The following CTNNA3 variants were observed in gnomAD, a reference collection of about 807,000 sequenced individuals.
The protein encoded by CTNNA3 is catenin alpha-3.
A neutral mutation model predicts 95.7 loss-of-function variants in CTNNA3; 76 were observed. The ratio of observed to expected loss-of-function variants is 0.79; its 90% confidence interval spans 0.66 to 0.96. CTNNA3 has a LOEUF of 0.96. Among genes scored for constraint, CTNNA3 ranks in the 40% least tolerant of loss-of-function variants. The pLI, the probability that CTNNA3 is intolerant of heterozygous loss-of-function variation, is 0.00. For synonymous variants in CTNNA3, 431 were observed against 374.4 expected, an observed-to-expected ratio of 1.15 and a Z score of -1.74; for missense variants, 1,191 against 1,089.8, an observed-to-expected ratio of 1.09 and a Z score of -1.31.
intron 12 of CTNNA3, among the ~76,000 whole-genome samples, chr10:66,348,386 T>C (rs2092541145): frequency 6.6e-6 from 1 of 152,100 alleles, no homozygotes; most frequent in Non-Finnish European, 1.5e-5. Flanking sequence ...TGAGACTCCA[T>C]TTCCTCATCT....
intron 7 of CTNNA3, among the ~76,000 whole-genome samples, chr10:67,156,672 C>T (rs1048844695): frequency 4.0e-5 from 6 of 151,752 alleles, no homozygotes; most frequent in Admixed American, 1.3e-4. Context: ...TTTCAATCTC[C>T]GTAAATTTGT....
At chr10:67,600,496 C>T (rs1222415406) in intron 3 of CTNNA3, among the ~76,000 whole-genome samples, 2 of 151,982 alleles carry the variant, frequency 1.3e-5, no homozygotes, top group Non-Finnish European at 2.9e-5. Flanking sequence ...AAAAAGTTAT[C>T]ACAGAAATAC....
chr10:66,450,484 CA>C (rs1022744450), intron 11 of CTNNA3, among the ~76,000 whole-genome samples: 1 of 152,078 alleles, frequency 6.6e-6, no homozygotes, highest in African/African-American at 2.4e-5. Flanking sequence ...AAGCATTTTA[CA>C]TTTCAGCTTT....
At chr10:67,126,752 G>A (rs1324039164) in intron 7 of CTNNA3, among the ~76,000 whole-genome samples, 1 of 152,144 alleles carries the variant, frequency 6.6e-6, no homozygotes, top group Admixed American at 6.5e-5. Flanking sequence ...ATACATTGGG[G>A]TGAATTCATC....
chr10:66,655,220 TA>T (rs1846035036), intron 9 of CTNNA3, among the ~76,000 whole-genome samples: 1 of 152,104 alleles, frequency 6.6e-6, no homozygotes, highest in Non-Finnish European at 1.5e-5. Context: ...ATTTGTCATT[TA>T]AAAAATTACT....
chr10:67,138,422 C>T (rs1175778802), intron 7 of CTNNA3, among the ~76,000 whole-genome samples: 2 of 152,170 alleles, frequency 1.3e-5, no homozygotes, highest in Non-Finnish European at 2.9e-5. Context: ...ATAAGTAGAT[C>T]CCTGTCCTCT....
intron 13 of CTNNA3, among the ~76,000 whole-genome samples, chr10:66,199,787 ATATATATATATATATATATT>A (rs2087229168): frequency 8.2e-5 from 1 of 12,244 alleles, no homozygotes; most frequent in African/African-American, 3.6e-4. Context: ...ATATATATAT[ATATATATATATATATATATT>A]TTTTTTTTTT....
intron 12 of CTNNA3, among the ~76,000 whole-genome samples, chr10:66,316,324 C>T (rs1043317383): frequency 6.6e-6 from 1 of 151,958 alleles, no homozygotes; most frequent in African/African-American, 2.4e-5. Context: ...GGGTGGGCTC[C>T]CTGAGCACTT....
At chr10:66,457,774 A>G (rs763189990) in intron 11 of CTNNA3, among the ~76,000 whole-genome samples, 12 of 152,132 alleles carry the variant, frequency 7.9e-5, no homozygotes, top group Non-Finnish European at 1.3e-4. Flanking sequence ...GTGATGATGT[A>G]TCATCAGTAG....
intron 1 of CTNNA3, among the ~76,000 whole-genome samples, chr10:67,683,565 T>C (rs1840668283): frequency 6.6e-6 from 1 of 152,240 alleles, no homozygotes; most frequent in Admixed American, 6.5e-5. Flanking sequence ...CAACTGAGAA[T>C]TGGTAATTCA....
intron 13 of CTNNA3, among the ~76,000 whole-genome samples, chr10:66,139,002 G>T (rs537131441): frequency 6.6e-6 from 1 of 152,242 alleles, no homozygotes; most frequent in Non-Finnish European, 1.5e-5. Flanking sequence ...TATATGACCA[G>T]GAAAGCCAAA....
chr10:67,444,824 A>G (rs1846677351), intron 5 of CTNNA3, among the ~76,000 whole-genome samples: 2 of 152,156 alleles, frequency 1.3e-5, no homozygotes, highest in Non-Finnish European at 2.9e-5. Context: ...CTAGACACAT[A>G]CAACCTACCA....
intron 6 of CTNNA3, among the ~76,000 whole-genome samples, chr10:67,185,881 A>C (rs567147753): frequency 5.3e-4 from 80 of 152,060 alleles, no homozygotes; most frequent in Non-Finnish European, 9.1e-4. Flanking sequence ...TTAGCTAGGC[A>C]TGGTGGCATG....
chr10:67,740,561 C>G (rs1841330408), intron 1 of CTNNA3, among the ~76,000 whole-genome samples: 4 of 151,476 alleles, frequency 2.6e-5, no homozygotes, highest in Admixed American at 2.6e-4. Flanking sequence ...TGAAAAAATG[C>G]TCACCATCAC....
Position 67,724,526 on chromosome 10 carries a change from C to A in CTNNA3, c.-2+38908G>T, listed in dbSNP as rs191498003. Among the ~76,000 whole-genome samples, 41 of 152,220 alleles carry A rather than the reference C, an allele frequency of 2.7e-4. 1 individual carries two copies. The highest frequency in any genetic ancestry group is 2.4e-3 in the Admixed American group (36 of 15,286). On this transcript the variant is annotated intron_variant, in intron 1 of 17. Coordinates refer to the CTNNA3 transcript ENST00000684154. ...TCCCCACCCCAAGTGTTCCATAGAA[C>A]ACTGGCTTCTCCAAAGCCACAGATG...
chr10:66,401,825 AT>A (rs2093024227), intron 11 of CTNNA3, among the ~76,000 whole-genome samples: 1 of 151,650 alleles, frequency 6.6e-6, no homozygotes, highest in Non-Finnish European at 1.5e-5. Context: ...CACCCAGCTA[AT>A]TTTTGTAGTT....
chr10:67,488,419 G>C (rs1443154161), intron 5 of CTNNA3, among the ~76,000 whole-genome samples: 1 of 152,274 alleles, frequency 6.6e-6, no homozygotes, highest in African/African-American at 2.4e-5. Flanking sequence ...GCCCAGGCTG[G>C]AGTGTAGTGG....
intron 15 of CTNNA3, among the ~76,000 whole-genome samples, chr10:66,034,352 T>A (rs1365063319): frequency 2.0e-5 from 3 of 151,960 alleles, no homozygotes; most frequent in Non-Finnish European, 2.9e-5. Context: ...TATTCAATTT[T>A]CATCCATATC....
chr10:67,041,199 A>G (rs1854371472), intron 7 of CTNNA3, among the ~76,000 whole-genome samples: 1 of 152,076 alleles, frequency 6.6e-6, no homozygotes, highest in South Asian at 2.1e-4. Flanking sequence ...ACTGAAGAAA[A>G]TCAAACTTGT....
Sources: allele counts gnomAD v4.1 joint callset (sites outside exome capture counted in the v4.1 genomes callset), GRCh38; gene constraint gnomAD v4.1.1; transcripts MANE v1.5; gene names NCBI Gene and HGNC (gene_info 2026-07-23, HGNC 2026-07-21).